MSR1: variants seen among roughly 807,000 people sequenced by gnomAD.
MSR1 encodes the protein macrophage scavenger receptor 1, also known as macrophage scavenger receptor types I and II.
In MSR1, 53 loss-of-function variants were observed where a neutral mutation model predicts 47.2. The observed-to-expected ratio is 1.12, with a 90% CI of 0.90 to 1.41. The LOEUF (loss-of-function observed/expected upper bound fraction) is 1.41. MSR1 is among the 40% of genes most tolerant of loss of function. MSR1 has a pLI of 0.00. For missense variants in MSR1, 786 were observed against 546.9 expected, an observed-to-expected ratio of 1.44 and a Z score of -4.36; for synonymous variants, 239 against 185.6, an observed-to-expected ratio of 1.29 and a Z score of -2.34.
intron 1 of MSR1, among the ~76,000 whole-genome samples, chr8:16,179,286 T>C (rs112894516): frequency 4.1e-4 from 63 of 152,354 alleles, no homozygotes; most frequent in African/African-American, 1.5e-3. Flanking sequence ...GATAATTGTT[T>C]TAATTTGCCT....
chr8:16,168,002 C>A (rs1801365410), intron 4 of MSR1, among the ~76,000 whole-genome samples: 1 of 152,024 alleles, frequency 6.6e-6, no homozygotes, highest in Admixed American at 6.5e-5. Context: ...ACTGTAATAC[C>A]ATTGTCTTCT....
intron 1 of MSR1, 136 bp downstream of exon 1, chr8:16,192,462 C>CTACTATA (rs11274081): frequency 6.6e-6 from 1 of 151,892 alleles, no homozygotes; most frequent in African/African-American, 2.4e-5. Flanking sequence ...ATAAAGCATT[C>CTACTATA]ATCTCATCAT....
At position 16,110,219 on chromosome 8, in the gene MSR1, C is replaced by G. The variant is rs779064914; in HGVS notation, c.1223-1G>C. 14 of 1,613,194 alleles carry G rather than the reference C, an allele frequency of 8.7e-6. No individual in the cohort carries two copies. In the South Asian group the frequency reaches 1.5e-4, roughly 18 times the overall value. On this transcript the variant is annotated splice_acceptor_variant, in intron 9 of 9. Coordinates refer to ENST00000262101, the MANE Select transcript of MSR1 (RefSeq NM_138715.3). LOFTEE classifies it high-confidence loss of function. ...TCATTCAGCCATATTGGACCAGTAC[C>G]TGCAATAATGAGGTATAACTGCATT...
chr8:16,115,738 G>C (rs1208064195), intron 9 of MSR1, among the ~76,000 whole-genome samples: 1 of 152,096 alleles, frequency 6.6e-6, no homozygotes, highest in Admixed American at 6.5e-5. Context: ...AGTACTTTGG[G>C]AGGCTGAGGC....
intron 2 of MSR1, among the ~76,000 whole-genome samples, chr8:16,177,074 G>C (rs554095919): frequency 6.0e-4 from 92 of 152,260 alleles, no homozygotes; most frequent in African/African-American, 2.1e-3. Context: ...TGATCCTGTT[G>C]AGATACAGCT....
rs1799697712 is a variant in MSR1, at chr8:16,109,106, G to A, written c.*979C>T. ...GGGATGGGTTGACTACCAACAAAAG[G>A]TTGCTAAACTACTTTTTTGGGGCAT... On this transcript the variant is annotated 3_prime_UTR_variant, in exon 10 of 10. Transcript: ENST00000262101. The A allele has an allele frequency of 6.6e-6, 1 of 151,548 alleles. No individual in the cohort carries two copies. 9.4% of individuals were successfully genotyped at this position (151,548 alleles called of 1,614,324 possible). A position where few individuals can be genotyped will look rare whatever the true frequency, so the allele number is the denominator to read the frequency against.
intron 8 of MSR1, among the ~76,000 whole-genome samples, chr8:16,127,519 A>T (rs17620705): frequency 0.044 from 6,732 of 152,236 alleles, 244 homozygotes; most frequent in East Asian, 0.12. Flanking sequence ...GGGTTAGGCA[A>T]TGAGTATATC....
At chr8:16,141,391 G>T (rs968438736) in intron 8 of MSR1, among the ~76,000 whole-genome samples, 2 of 152,162 alleles carry the variant, frequency 1.3e-5, no homozygotes, top group Non-Finnish European at 2.9e-5. Context: ...ATCATTTAGT[G>T]TTCAGGACTA....
At chr8:16,143,481 C>T (rs565139933) in intron 8 of MSR1, 77 bp downstream of exon 8, 1 of 1,354,002 alleles carries the variant, frequency 7.4e-7, no homozygotes, top group Non-Finnish European at 1.1e-6. Context: ...GAACATTTGC[C>T]TCAAGCCCAG....
intron 9 of MSR1, among the ~76,000 whole-genome samples, chr8:16,118,009 G>T (rs1190066975): frequency 3.9e-5 from 6 of 152,136 alleles, no homozygotes; most frequent in Non-Finnish European, 8.8e-5. Flanking sequence ...GTGCCAAAAA[G>T]GTTGGGAACC....
Position 16,109,717 on chromosome 8 carries a change from G to T in MSR1, c.*368C>A, listed in dbSNP as rs1176282536. The T allele has an allele frequency of 4.4e-6, 1 of 226,250 alleles. No homozygotes were observed. The highest frequency in any genetic ancestry group is 2.3e-5 in the African/African-American group (1 of 43,192). The allele number at this position is 226,250 out of a possible 1,614,324, so 14.0% of individuals were successfully genotyped here. A position where few individuals can be genotyped will look rare whatever the true frequency, so the allele number is the denominator to read the frequency against. On this transcript the variant is annotated 3_prime_UTR_variant, in exon 10 of 10. Transcript: ENST00000262101. ...TAAAATCAACTAAATAGATTACAAA[G>T]ACAAGAAGAGCAAAAAATTGTAATC...
chr8:16,173,088 T>C (rs1256657909), intron 3 of MSR1, among the ~76,000 whole-genome samples: 2 of 152,252 alleles, frequency 1.3e-5, no homozygotes, highest in Non-Finnish European at 2.9e-5. Flanking sequence ...AATCTGATAC[T>C]GATGTGTACT....
At chr8:16,188,307 G>A (rs149755117) in intron 1 of MSR1, among the ~76,000 whole-genome samples, 4 of 151,928 alleles carry the variant, frequency 2.6e-5, no homozygotes, top group Non-Finnish European at 5.9e-5. Context: ...ATGTTAGGAT[G>A]AAATTTCTGT....
At chr8:16,179,601 C>A (rs1015530833) in intron 1 of MSR1, among the ~76,000 whole-genome samples, 1 of 152,014 alleles carries the variant, frequency 6.6e-6, no homozygotes, top group Admixed American at 6.6e-5. Flanking sequence ...ATTTATTGGC[C>A]GGGCACAGTG....
At position 16,150,235 on chromosome 8, in the gene MSR1, C is replaced by A; in HGVS notation, c.975G>T (p.Arg325Ser). Residue 325 changes from arginine (R) to serine (S), a missense_variant, in exon 7 of 10, where the codon AGG (arginine) becomes AGT (serine). Arg to Ser is a moderately radical substitution (Grantham distance 110). Coordinates refer to ENST00000262101, the MANE Select transcript of MSR1 (RefSeq NM_138715.3). Reference sequence around the variant, plus strand: ...AAATACACATTATTGTAATACCTGGCCTTCCGGCATATCCTGGGAGTCCTC... The same window carrying A: ...AAATACACATTATTGTAATACCTGGACTTCCGGCATATCCTGGGAGTCCTC... Reference protein sequence around the residue: ...GSRGLPGYAGRPGNSGPKGQK... With the variant: ...GSRGLPGYAGSPGNSGPKGQK... 2 of 1,526,646 alleles carry A rather than the reference C, an allele frequency of 1.3e-6. No individual in the cohort carries two copies. The highest frequency in any genetic ancestry group is 1.8e-6 in the Non-Finnish European group (2 of 1,130,694). 94.6% of individuals were successfully genotyped at this position (1,526,646 alleles called of 1,614,324 possible).
At position 16,114,144 on chromosome 8, in the gene MSR1, C is replaced by G. The variant is rs191294881; in HGVS notation, c.1223-3926G>C. Among the ~76,000 whole-genome samples, 381 of 151,986 alleles carry G rather than the reference C, an allele frequency of 2.5e-3. 2 individuals carry two copies. The highest frequency in any genetic ancestry group is 8.8e-3 in the African/African-American group (366 of 41,464). ...GTGACCCTTTGATATATTTATTTAT[C>G]TTTGAGATTATATTTACTCCCATTC... On this transcript the variant is annotated intron_variant, in intron 9 of 9. Transcript: ENST00000262101.
intron 8 of MSR1, among the ~76,000 whole-genome samples, chr8:16,122,148 A>G (rs1267832144): frequency 6.6e-6 from 1 of 152,140 alleles, no homozygotes; most frequent in Non-Finnish European, 1.5e-5. Context: ...GCCTGAGTGG[A>G]TAAGTCCTTC....
At chr8:16,117,489 C>G (rs1030991187) in intron 9 of MSR1, among the ~76,000 whole-genome samples, 1 of 152,126 alleles carries the variant, frequency 6.6e-6, no homozygotes, top group Admixed American at 6.5e-5. Flanking sequence ...TGATGGCAGG[C>G]TTTAGAGTCG....
intron 9 of MSR1, among the ~76,000 whole-genome samples, chr8:16,118,076 G>A (rs182538685): frequency 1.1e-4 from 17 of 152,130 alleles, no homozygotes; most frequent in African/African-American, 3.9e-4. Flanking sequence ...CATAATATAA[G>A]CATCAAAATA....
Sources: allele counts gnomAD v4.1 joint callset (sites outside exome capture counted in the v4.1 genomes callset), GRCh38; gene constraint gnomAD v4.1.1; transcripts MANE v1.5; gene names NCBI Gene and HGNC (gene_info 2026-07-23, HGNC 2026-07-21).